The following TTC13 variants were observed in gnomAD, a reference collection of about 807,000 sequenced individuals.
The protein encoded by TTC13 is tetratricopeptide repeat protein 13.
In TTC13, 62 loss-of-function variants were observed where a neutral mutation model predicts 120.0. That is an observed-to-expected ratio of 0.52 (90% CI 0.42 to 0.64). TTC13 has a LOEUF of 0.64. TTC13 is among the 30% of genes least tolerant of loss of function. The pLI, the probability that TTC13 is intolerant of heterozygous loss-of-function variation, is 0.00. For synonymous variants in TTC13, 384 were observed against 393.5 expected (o/e 0.98, Z 0.28); for missense variants, 824 against 1,050.2 (o/e 0.78, Z 2.98).
At chr1:230,915,895 C>T (rs560952395) in intron 18 of TTC13, among the ~76,000 whole-genome samples, 1 of 81,998 alleles carries the variant, frequency 1.2e-5, no homozygotes, top group African/African-American at 4.5e-5. Flanking sequence ...TTAGTAAAAG[C>T]CTCCCTCGCC....
intron 20 of TTC13, 34 bp from the exon 21 acceptor site, chr1:230,909,054 T>C: frequency 6.3e-7 from 1 of 1,581,870 alleles, no homozygotes; most frequent in Non-Finnish European, 8.7e-7. Context: ...CAATCCATCC[T>C]GGACGGTCTA....
At chr1:230,928,500 T>C (rs975596659) in intron 12 of TTC13, among the ~76,000 whole-genome samples, 9 of 152,178 alleles carry the variant, frequency 5.9e-5, no homozygotes, top group Admixed American at 2.6e-4. Flanking sequence ...AGGTTTCCTT[T>C]GTAGAAAACT....
In TTC13 at chr1:230,968,162, A is replaced by T. The variant is rs542251737; in HGVS notation, c.272-6859T>A. ...TTATTCTTCTTTTTTTTATCACTTAAGAATTTGTTTTCCTATGGTGGTGGG... is the reference window on the plus strand; with the variant it reads ...TTATTCTTCTTTTTTTTATCACTTATGAATTTGTTTTCCTATGGTGGTGGG... On this transcript the variant is annotated intron_variant, in intron 1 of 22. Coordinates refer to ENST00000366661, the MANE Select transcript of TTC13 (RefSeq NM_024525.5). Among the ~76,000 whole-genome samples the T allele has an allele frequency of 8.7e-4, 120 of 137,272 alleles. 1 individual carries two copies. Among genetic ancestry groups the T allele is most frequent in the Admixed American group, 8.6e-3 (111 of 12,944 alleles). The allele number at this position is 137,272 out of a possible 152,430, so 90.1% of individuals were successfully genotyped here. A position where few individuals can be genotyped will look rare whatever the true frequency, so the allele number is the denominator to read the frequency against.
chr1:230,926,905 G>C (rs546422830), intron 12 of TTC13, among the ~76,000 whole-genome samples: 1 of 152,122 alleles, frequency 6.6e-6, no homozygotes, highest in East Asian at 1.9e-4. Flanking sequence ...CCTGACTCAC[G>C]TACCTTTTTA....
chr1:230,915,243 G>A (rs1296147601), intron 18 of TTC13, among the ~76,000 whole-genome samples: 1 of 152,176 alleles, frequency 6.6e-6, no homozygotes, highest in African/African-American at 2.4e-5. Flanking sequence ...CAGAGCCCAA[G>A]AGGCAGAGGG....
chr1:230,950,278 TAA>T (rs904404501), intron 4 of TTC13, among the ~76,000 whole-genome samples: 2 of 151,992 alleles, frequency 1.3e-5, no homozygotes, highest in Non-Finnish European at 2.9e-5. Context: ...AGAAACTTTT[TAA>T]AAAGTTTCTT....
rs768447936 is a variant in TTC13, at chr1:230,936,224, C to T, written c.901-2363G>A. 50 of 456,266 alleles carry T rather than the reference C, an allele frequency of 1.1e-4. 1 individual carries two copies. The highest frequency in any genetic ancestry group is 1.9e-4 in the South Asian group (12 of 64,568). 28.3% of individuals were successfully genotyped at this position (456,266 alleles called of 1,614,324 possible). On this transcript the variant is annotated intron_variant, in intron 8 of 22. Transcript: ENST00000366661. ...TTCAGCTTTTAAGAGTCTTTGGTTT[C>T]GGGGTTCCTGTCTAATCACTGCACA...
chr1:230,938,426 G>A (rs112801339), intron 8 of TTC13, among the ~76,000 whole-genome samples: 20 of 152,250 alleles, frequency 1.3e-4, no homozygotes, highest in African/African-American at 4.3e-4. Flanking sequence ...TGGGTTCCCC[G>A]CACAGACTCG....
intron 1 of TTC13, among the ~76,000 whole-genome samples, chr1:230,968,574 G>C (rs190809717): frequency 1.6e-4 from 25 of 152,234 alleles, no homozygotes; most frequent in Admixed American, 1.4e-3. Flanking sequence ...GTAGAGCAGG[G>C]GGCAGGTGGG....
intron 4 of TTC13, 35 bp downstream of exon 4, chr1:230,954,298 A>C: frequency 1.3e-6 from 2 of 1,519,540 alleles, no homozygotes; most frequent in Non-Finnish European, 1.8e-6. Context: ...TCATGACCAT[A>C]AACTCAAAAT....
rs1671219592 is a variant in TTC13, at chr1:230,908,933, C to T, written c.2388+9G>A. Reference sequence around the variant, plus strand: ...AACCAAGCATTTCTCCCTTCCCGCTCCAACATACCTTCCCTTTGGGAATTT... The same window carrying T: ...AACCAAGCATTTCTCCCTTCCCGCTTCAACATACCTTCCCTTTGGGAATTT... On this transcript the variant is annotated intron_variant, in intron 21 of 22. Transcript: ENST00000366661. 1 of 1,614,084 alleles carries T rather than the reference C, an allele frequency of 6.2e-7. No individual in the cohort carries two copies. Among genetic ancestry groups the T allele is most frequent in the East Asian group, 2.2e-5 (1 of 44,866 alleles).
intron 14 of TTC13, 41 bp downstream of exon 14, chr1:230,924,800 T>C (rs1572201593): frequency 1.2e-6 from 2 of 1,611,876 alleles, no homozygotes; most frequent in Non-Finnish European, 1.7e-6. Flanking sequence ...TATTTGACAA[T>C]GATAAGACTT....
chr1:230,976,585 G>C (rs1678332463), intron 1 of TTC13, among the ~76,000 whole-genome samples: 2 of 152,196 alleles, frequency 1.3e-5, no homozygotes, highest in South Asian at 4.1e-4. Context: ...GCACCTGTTG[G>C]TAGCTACTCA....
chr1:230,910,585 C>T (rs72762648), intron 20 of TTC13, among the ~76,000 whole-genome samples: 3,828 of 152,322 alleles, frequency 0.025, 87 homozygotes, highest in Middle Eastern at 0.044. Context: ...CAGAGCTGCA[C>T]GTCCTTCAAT....
At chr1:230,956,968 G>T (rs1676143868) in intron 3 of TTC13, among the ~76,000 whole-genome samples, 2 of 152,022 alleles carry the variant, frequency 1.3e-5, no homozygotes, top group Admixed American at 1.3e-4. Flanking sequence ...AAGATCATAG[G>T]CCAGCTCAGG....
intron 4 of TTC13, 74 bp downstream of exon 4, chr1:230,954,259 C>T: frequency 9.6e-7 from 1 of 1,040,406 alleles, no homozygotes. Flanking sequence ...TATTACAGCA[C>T]TTCAGCTGTT....
intron 1 of TTC13, among the ~76,000 whole-genome samples, chr1:230,965,432 C>G (rs1388659799): frequency 6.6e-6 from 1 of 151,990 alleles, no homozygotes; most frequent in East Asian, 1.9e-4. Flanking sequence ...ATCATCTCAC[C>G]CCAGTTAAAA....
At chr1:230,939,329 C>T in intron 8 of TTC13, 57 bp downstream of exon 8, 1 of 1,100,910 alleles carries the variant, frequency 9.1e-7, no homozygotes, top group Admixed American at 2.1e-5. Flanking sequence ...AAATTCCTCC[C>T]ACCCACAAAA....
At position 230,920,603 on chromosome 1, in the gene TTC13, G is replaced by A. The variant is rs775733854; in HGVS notation, c.1899-9C>T. On this transcript the variant is annotated splice_polypyrimidine_tract_variant and intron_variant, in intron 16 of 22. Transcript: ENST00000366661. ...CTTTAGGATTATTAGCTCTTAAAGA[G>A]AGACAGAGAGAGATGGCAACTGAGA... The A allele has an allele frequency of 6.7e-7, 1 of 1,494,858 alleles. No individual in the cohort carries two copies. The highest frequency in any genetic ancestry group is 1.3e-5 in the South Asian group (1 of 77,008). The allele number at this position is 1,494,858 out of a possible 1,614,324, so 92.6% of individuals were successfully genotyped here. A position where few individuals can be genotyped will look rare whatever the true frequency, so the allele number is the denominator to read the frequency against.
Sources: allele counts gnomAD v4.1 joint callset (sites outside exome capture counted in the v4.1 genomes callset), GRCh38; gene constraint gnomAD v4.1.1; transcripts MANE v1.5; gene names NCBI Gene and HGNC (gene_info 2026-07-23, HGNC 2026-07-21).